The following PACS1 variants were observed in gnomAD, a reference collection of about 807,000 sequenced individuals.
PACS1 encodes the protein phosphofurin acidic cluster sorting protein 1, also known as PACS-1.
In PACS1, 24 loss-of-function variants were observed where a neutral mutation model predicts 115.0. The observed-to-expected ratio is 0.21, with a 90% CI of 0.15 to 0.29. The LOEUF is 0.29. PACS1 is among the 10% of genes least tolerant of loss of function. PACS1 has a pLI of 1.00. For missense variants in PACS1, 838 were observed against 1,251.2 expected, an observed-to-expected ratio of 0.67 and a Z score of 4.98; for synonymous variants, 453 against 504.5, an observed-to-expected ratio of 0.90 and a Z score of 1.37.
rs1554990856 is a variant in PACS1, at chr11:66,216,738, C to T, written c.941C>T (p.Thr314Ile). ...GAAGATCTCCGGAAAGTGAAGAAGA[C>T]CCGGAGGAAACTAACCTCAACCTCT... ...EDEDLRKVKK[T>I]RRKLTSTSAI... Residue 314 changes from threonine (T) to isoleucine (I), a missense_variant, in exon 7 of 24, where the codon ACC becomes ATC. By Grantham distance (89) the Thr-to-Ile change is moderately conservative. Around this residue, in one of 6 missense-constraint regions of PACS1, gnomAD observed 223 missense variants for 354.0 expected, o/e 0.63. Transcript: ENST00000320580. 1.9e-6 allele frequency: 3 copies of T among 1,613,958 alleles called. No homozygotes were observed. Among genetic ancestry groups the T allele is most frequent in the Non-Finnish European group, 2.5e-6 (3 of 1,179,926 alleles).
At chr11:66,223,975 A>T (rs560348078) in intron 10 of PACS1, among the ~76,000 whole-genome samples, 1 of 152,256 alleles carries the variant, frequency 6.6e-6, no homozygotes, top group Non-Finnish European at 1.5e-5. Flanking sequence ...AGGTGGGTGG[A>T]CCACTTGAGG....
At chr11:66,132,681 C>A (rs7941469) in intron 1 of PACS1, among the ~76,000 whole-genome samples, 1 of 151,798 alleles carries the variant, frequency 6.6e-6, no homozygotes, top group Non-Finnish European at 1.5e-5. Flanking sequence ...TAGGTACATA[C>A]TTCTTGAGAT....
intron 1 of PACS1, among the ~76,000 whole-genome samples, chr11:66,138,846 C>T (rs1858910012): frequency 6.6e-6 from 1 of 152,152 alleles, no homozygotes; most frequent in African/African-American, 2.4e-5. Flanking sequence ...CCACGCCCAG[C>T]TAATTTTTGT....
chr11:66,077,054 G>C (rs1015271462), intron 1 of PACS1, among the ~76,000 whole-genome samples: 5 of 152,176 alleles, frequency 3.3e-5, no homozygotes, highest in Non-Finnish European at 1.5e-5. Flanking sequence ...ATATGCACCA[G>C]CTCTAGAGTG....
chr11:66,084,624 T>C (rs1857538341), intron 1 of PACS1, among the ~76,000 whole-genome samples: 1 of 152,136 alleles, frequency 6.6e-6, no homozygotes, highest in Non-Finnish European at 1.5e-5. Flanking sequence ...GGGCATATTG[T>C]CAAGCCTGAA....
chr11:66,220,391 C>T lies in PACS1; in HGVS notation c.1039-240C>T, dbSNP rs1036592055. 5 of 511,358 alleles carry T rather than the reference C, an allele frequency of 9.8e-6. No individual in the cohort carries two copies. The Admixed American group carries it at 1.3e-4, about 14-fold the overall frequency. 31.7% of individuals were successfully genotyped at this position (511,358 alleles called of 1,614,324 possible). Reference sequence around the variant, plus strand: ...TGGGCCTCGGGATTCCTCAGCTGTCCCTCCTGGCACAGCTTCACAGTGTGG... The same window carrying T: ...TGGGCCTCGGGATTCCTCAGCTGTCTCTCCTGGCACAGCTTCACAGTGTGG... On this transcript the variant is annotated intron_variant, in intron 8 of 23. Transcript: ENST00000320580.
intron 1 of PACS1, among the ~76,000 whole-genome samples, chr11:66,079,715 T>C (rs1248522659): frequency 2.6e-5 from 4 of 152,204 alleles, no homozygotes; most frequent in Non-Finnish European, 5.9e-5. Flanking sequence ...CTTGATCTCA[T>C]GAAGTCTGCA....
chr11:66,216,431 C>T, intron 5 of PACS1, 89 bp from the exon 6 acceptor site: 1 of 1,437,720 alleles, frequency 7.0e-7, no homozygotes, highest in Non-Finnish European at 9.8e-7. Flanking sequence ...GTGTTTCCAC[C>T]CAAAGAGAAC....
At chr11:66,193,909 T>G (rs1224972278) in intron 2 of PACS1, among the ~76,000 whole-genome samples, 1 of 152,228 alleles carries the variant, frequency 6.6e-6, no homozygotes, top group Non-Finnish European at 1.5e-5. Context: ...TCAGTCTTAG[T>G]CCCAGGATTG....
chr11:66,114,492 C>T (rs1288195326), intron 1 of PACS1, among the ~76,000 whole-genome samples: 2 of 151,284 alleles, frequency 1.3e-5, no homozygotes, highest in African/African-American at 4.9e-5. Context: ...TTTTTAATGG[C>T]TGCTTAGTAT....
At chr11:66,138,923 C>T (rs1376409504) in intron 1 of PACS1, among the ~76,000 whole-genome samples, 2 of 150,380 alleles carry the variant, frequency 1.3e-5, no homozygotes, top group South Asian at 2.1e-4. Context: ...CCTCATGATC[C>T]GCCCGCCTCA....
At chr11:66,175,171 GAAA>G (rs67984094) in intron 1 of PACS1, among the ~76,000 whole-genome samples, 1 of 149,726 alleles carries the variant, frequency 6.7e-6, no homozygotes, top group Non-Finnish European at 1.5e-5. Context: ...GAAAAAAAAA[GAAA>G]AAAAAATGGT....
intron 1 of PACS1, among the ~76,000 whole-genome samples, chr11:66,140,344 G>T (rs1590773033): frequency 6.6e-6 from 1 of 152,154 alleles, no homozygotes; most frequent in South Asian, 2.1e-4. Flanking sequence ...GGTTAGGAAT[G>T]TTTGGAGAAG....
chr11:66,074,099 T>A (rs758239918), intron 1 of PACS1, among the ~76,000 whole-genome samples: 1 of 151,810 alleles, frequency 6.6e-6, no homozygotes, highest in Admixed American at 6.6e-5. Context: ...ATGATTAATA[T>A]ATGTCCATGA....
At chr11:66,169,892 TA>T (rs1731444129) in intron 1 of PACS1, among the ~76,000 whole-genome samples, 1 of 150,488 alleles carries the variant, frequency 6.6e-6, no homozygotes, top group Non-Finnish European at 1.5e-5. Context: ...TATATAAGAT[TA>T]AAATGATATT....
chr11:66,149,743 G>T (rs1859196451), intron 1 of PACS1, among the ~76,000 whole-genome samples: 1 of 151,574 alleles, frequency 6.6e-6, no homozygotes, highest in Non-Finnish European at 1.5e-5. Flanking sequence ...AAGATCTTTG[G>T]GGGGCAAAAC....
At chr11:66,073,729 C>A (rs566670385) in intron 1 of PACS1, among the ~76,000 whole-genome samples, 1 of 152,084 alleles carries the variant, frequency 6.6e-6, no homozygotes, top group South Asian at 2.1e-4. Context: ...TGAAATTGTT[C>A]TGTTGATCAC....
intron 1 of PACS1, among the ~76,000 whole-genome samples, chr11:66,179,497 T>C (rs1166276395): frequency 6.6e-6 from 1 of 152,136 alleles, no homozygotes. Context: ...CTAGATTTCT[T>C]TGGGAGCTAT....
chr11:66,087,062 G>A (rs1456516974), intron 1 of PACS1, among the ~76,000 whole-genome samples: 1 of 152,056 alleles, frequency 6.6e-6, no homozygotes, highest in East Asian at 1.9e-4. Context: ...CATATAAGCA[G>A]CACTCACATC....
Sources: allele counts gnomAD v4.1 joint callset (sites outside exome capture counted in the v4.1 genomes callset), GRCh38; gene constraint gnomAD v4.1.1; regional missense constraint gnomAD v4.1.1; transcripts MANE v1.5; gene names NCBI Gene and HGNC (gene_info 2026-07-23, HGNC 2026-07-21).